PCDHA9: variants seen among roughly 807,000 people sequenced by gnomAD.
PCDHA9 encodes protocadherin alpha-9.
PCDHA9 carries 62 observed loss-of-function variants against 62.0 expected under a neutral mutation model. The ratio of observed to expected loss-of-function variants is 1.00; its 90% CI spans 0.81 to 1.23. The LOEUF (loss-of-function observed/expected upper bound fraction) is 1.23, where lower values mean the gene tolerates loss of function less well. Ranked by LOEUF, PCDHA9 falls within the 50% of genes most tolerant of loss-of-function variation. PCDHA9 has a pLI of 0.00. For synonymous variants in PCDHA9, 557 were observed against 567.6 expected, an observed-to-expected ratio of 0.98 and a Z score of 0.27; for missense variants, 1,205 against 1,249.8, an observed-to-expected ratio of 0.96 and a Z score of 0.54.
chr5:141,009,452 TAAAC>T (rs1226554195), intron 3 of PCDHA9, among the ~76,000 whole-genome samples, 171 bp from the exon 4 acceptor site: 1 of 152,120 alleles, frequency 6.6e-6, no homozygotes, highest in Non-Finnish European at 1.5e-5. Flanking sequence ...TCAAAAAAAT[TAAAC>T]AAATAAATAA....
At chr5:140,919,175 T>C (rs1282672890) in intron 1 of PCDHA9, among the ~76,000 whole-genome samples, 1 of 152,248 alleles carries the variant, frequency 6.6e-6, no homozygotes, top group Non-Finnish European at 1.5e-5. Context: ...AGTTGCTATA[T>C]CTTCCTGATT....
At chr5:140,907,773 G>C (rs2073598085) in intron 1 of PCDHA9, among the ~76,000 whole-genome samples, 1 of 152,200 alleles carries the variant, frequency 6.6e-6, no homozygotes, top group Admixed American at 6.5e-5. Flanking sequence ...GGTGATGACA[G>C]GGGTGGCTGG....
At chr5:141,003,094 A>G (rs2098111645) in intron 3 of PCDHA9, among the ~76,000 whole-genome samples, 1 of 152,230 alleles carries the variant, frequency 6.6e-6, no homozygotes, top group African/African-American at 2.4e-5. Flanking sequence ...CAGGCCTGGC[A>G]TTTGCTTCAC....
chr5:140,986,198 C>T (rs782730684), intron 3 of PCDHA9, among the ~76,000 whole-genome samples: 1 of 152,200 alleles, frequency 6.6e-6, no homozygotes, highest in African/African-American at 2.4e-5. Flanking sequence ...ATTGGTTAAT[C>T]CTGATTACTG....
chr5:140,928,597 A>G (rs1554206042), intron 1 of PCDHA9: 1 of 1,614,226 alleles, frequency 6.2e-7, no homozygotes, highest in East Asian at 2.2e-5. Context: ...CCCAGTGGAA[A>G]TTGTGCCCCG....
intron 3 of PCDHA9, among the ~76,000 whole-genome samples, chr5:140,986,421 C>T (rs1554248030): frequency 6.6e-6 from 1 of 152,178 alleles, no homozygotes; most frequent in Non-Finnish European, 1.5e-5. Flanking sequence ...CTCTTTTTAA[C>T]TTCATGAGTA....
In PCDHA9 at chr5:140,944,201, G is replaced by T. The variant is rs1389405246; in HGVS notation, c.2395-34748G>T. Among the ~76,000 whole-genome samples, 5 of 152,034 alleles carry T rather than the reference G, an allele frequency of 3.3e-5. No homozygotes were observed. In the East Asian group the frequency reaches 9.6e-4, roughly 29 times the overall value. On this transcript the variant is annotated intron_variant, in intron 1 of 3. Coordinates refer to ENST00000532602, the MANE Select transcript of PCDHA9 (RefSeq NM_031857.2). ...TTGTTGGTTTGTTTTGTTTTGTTTT[G>T]TTTTTAAAGAGGGTTTTACTCTGTC...
intron 3 of PCDHA9, among the ~76,000 whole-genome samples, chr5:140,988,398 C>A (rs531157517): frequency 1.3e-5 from 2 of 152,238 alleles, no homozygotes; most frequent in Non-Finnish European, 2.9e-5. Context: ...TGCCAGAGTT[C>A]TCTTCGCAGC....
rs2043467325 is a variant in PCDHA9 at position 140,855,436 on chromosome 5, G to C, written c.2394+4547G>C. Among the ~76,000 whole-genome samples the C allele has an allele frequency of 2.7e-5, 4 of 149,868 alleles. No homozygotes were observed. In the South Asian group the frequency reaches 8.4e-4, roughly 32 times the overall value. ...GATCTCTAAATTCTAGTGATGACTA[G>C]ATCTTCGGAGTTATAAACACCTCAC... On this transcript the variant is annotated intron_variant, in intron 1 of 3. Transcript: ENST00000532602.
intron 1 of PCDHA9, among the ~76,000 whole-genome samples, chr5:140,932,553 C>T (rs1288415511): frequency 6.6e-6 from 1 of 151,798 alleles, no homozygotes; most frequent in African/African-American, 2.4e-5. Context: ...AACATACATT[C>T]CACAAGTAGA....
At chr5:140,967,056 G>C in intron 1 of PCDHA9, 1 of 1,612,712 alleles carries the variant, frequency 6.2e-7, no homozygotes, top group Non-Finnish European at 8.5e-7. Flanking sequence ...CTGACGAGTG[G>C]AGCGCTCTTC....
intron 1 of PCDHA9, among the ~76,000 whole-genome samples, chr5:140,953,230 A>G (rs782703084): frequency 2.0e-5 from 3 of 152,180 alleles, no homozygotes; most frequent in Non-Finnish European, 4.4e-5. Context: ...TCTGCTTGGT[A>G]GCAGTTCAAA....
intron 3 of PCDHA9, among the ~76,000 whole-genome samples, chr5:140,985,179 C>T (rs1056430017): frequency 5.9e-5 from 9 of 152,132 alleles, no homozygotes; most frequent in African/African-American, 1.9e-4. Flanking sequence ...CCTCGTAATC[C>T]GCCTGCCTCG....
At chr5:140,978,726 T>C (rs1453953300) in intron 1 of PCDHA9, among the ~76,000 whole-genome samples, 2 of 152,250 alleles carry the variant, frequency 1.3e-5, no homozygotes, top group African/African-American at 4.8e-5. Flanking sequence ...TTATTAAATC[T>C]GGTCTTCCAG....
At position 140,969,285 on chromosome 5, in the gene PCDHA9, C is replaced by T. The variant is rs782734189; in HGVS notation, c.2395-9664C>T. The stretch of plus-strand genomic sequence containing the variant: ...CTCACAGGCCAAAGTGGTCAGAATG[C>T]TGGGAACCTGATTATTCTCAAAAAT... On this transcript the variant is annotated intron_variant, in intron 1 of 3. Coordinates refer to ENST00000532602, the MANE Select transcript of PCDHA9 (RefSeq NM_031857.2). 51 of 1,614,062 alleles carry T rather than the reference C, an allele frequency of 3.2e-5. No individual in the cohort carries two copies. The highest frequency in any genetic ancestry group is 4.3e-5 in the Non-Finnish European group (51 of 1,180,038).
chr5:140,896,560 A>G (rs1583236503), intron 1 of PCDHA9, among the ~76,000 whole-genome samples: 2 of 150,934 alleles, frequency 1.3e-5, no homozygotes, highest in African/African-American at 4.9e-5. Flanking sequence ...TATTTTAAGT[A>G]GAGATGGGGT....
At chr5:140,881,382 C>A in intron 1 of PCDHA9, 1 of 984,112 alleles carries the variant, frequency 1.0e-6, no homozygotes, top group Non-Finnish European at 1.2e-6. Context: ...CAGCCGGCGG[C>A]GGTAAGTTAA....
intron 1 of PCDHA9, among the ~76,000 whole-genome samples, chr5:140,969,939 G>A (rs188120855): frequency 4.6e-5 from 7 of 152,340 alleles, no homozygotes; most frequent in Admixed American, 2.6e-4. Context: ...ACATCATACT[G>A]AAGCTAAAGT....
intron 3 of PCDHA9, among the ~76,000 whole-genome samples, chr5:140,987,781 A>G (rs2097267961): frequency 6.6e-6 from 1 of 152,208 alleles, no homozygotes; most frequent in East Asian, 1.9e-4. Context: ...AGAATCTGCT[A>G]TAGAGAAGAT....
Sources: gnomAD v4.1 joint callset for allele counts (sites outside exome capture counted in the v4.1 genomes callset) on GRCh38, gnomAD v4.1.1 for gene constraint, MANE v1.5 for transcripts, NCBI Gene and HGNC (gene_info 2026-07-23, HGNC 2026-07-21) for gene names.